The following SH3BGRL variants were observed in gnomAD, a reference collection of about 807,000 sequenced individuals.
SH3BGRL encodes the protein adapter SH3BGRL.
SH3BGRL carries 7 observed loss-of-function variants against 9.8 expected under a neutral mutation model. The ratio of observed to expected loss-of-function variants is 0.72; its 90% CI spans 0.41 to 1.35. The LOEUF is 1.35. SH3BGRL is among the 40% of genes most tolerant of loss of function. The pLI is 0.01. For synonymous variants in SH3BGRL, 36 were observed against 29.1 expected, an observed-to-expected ratio of 1.24 and a Z score of -0.76; for missense variants, 73 against 84.4, an observed-to-expected ratio of 0.86 and a Z score of 0.53.
At chrX:81,252,644 A>G (rs920673472) in intron 1 of SH3BGRL, among the ~76,000 whole-genome samples, 9 of 112,028 alleles carry the variant, frequency 8.0e-5, no homozygotes, top group Non-Finnish European at 1.7e-4. Flanking sequence ...AAAAAATCTC[A>G]TAGTGTTTTT....
intron 1 of SH3BGRL, among the ~76,000 whole-genome samples, chrX:81,268,917 T>C (rs1480051910): frequency 8.9e-6 from 1 of 112,033 alleles, no homozygotes; most frequent in Non-Finnish European, 1.9e-5. Flanking sequence ...TGAGTGAATG[T>C]ATGTTTAGGA....
rs1451061249 is a variant in SH3BGRL at position 81,277,260 on chromosome X, A to G, written c.231+91A>G. ...CCTCTGCCTCCAAGCCTGCATATAT[A>G]TAGTCATATCTCTTGCATATAGTCA... is the stretch of plus-strand genomic sequence containing the variant. On this transcript the variant is annotated intron_variant, in intron 2 of 3. Transcript: ENST00000373212. 5.5e-6 allele frequency: 4 copies of G among 732,973 alleles called. No homozygotes were observed. The East Asian group carries it at 1.4e-4, about 26-fold the overall frequency. 60.4% of individuals were successfully genotyped at this position (732,973 alleles called of 1,213,427 possible). A position where few individuals can be genotyped will look rare whatever the true frequency, so the allele number is the denominator to read the frequency against.
At position 81,277,175 on chromosome X, in the gene SH3BGRL, A is replaced by G; in HGVS notation, c.231+6A>G. On this transcript the variant is annotated splice_donor_region_variant and intron_variant, in intron 2 of 3. Transcript: ENST00000373212. ...ATGAAAGCCAGTATCGCGGGGTAAG[A>G]AAACAATTTAAATTCTTGTTTATTG... The G allele has an allele frequency of 8.4e-7, 1 of 1,194,603 alleles. No homozygotes were observed. Among genetic ancestry groups the G allele is most frequent in the Non-Finnish European group, 1.1e-6 (1 of 883,466 alleles).
intron 3 of SH3BGRL, among the ~76,000 whole-genome samples, chrX:81,285,714 G>A (rs1018141336): frequency 2.7e-5 from 3 of 111,623 alleles, no homozygotes; most frequent in Admixed American, 1.9e-4. Flanking sequence ...AGTATCTAAC[G>A]ATAGCGTCAA....
Position 81,297,833 on chromosome X carries a change from G to A in SH3BGRL, c.*606G>A, listed in dbSNP as rs1224746353. 1 of 111,785 alleles carries A rather than the reference G, an allele frequency of 8.9e-6. No homozygotes were observed. Among genetic ancestry groups the A allele is most frequent in the Non-Finnish European group, 1.9e-5 (1 of 53,044 alleles). The allele number at this position is 111,785 out of a possible 1,213,427, so 9.2% of individuals were successfully genotyped here. Reference sequence around the variant, plus strand: ...ATGTAGCCTTTCATTGCACATTTCAGTGATCAGAATAGATATCCTTTTACA... The same window carrying A: ...ATGTAGCCTTTCATTGCACATTTCAATGATCAGAATAGATATCCTTTTACA... On this transcript the variant is annotated 3_prime_UTR_variant, in exon 4 of 4. Coordinates refer to ENST00000373212, the MANE Select transcript of SH3BGRL (RefSeq NM_003022.3).
intron 1 of SH3BGRL, among the ~76,000 whole-genome samples, chrX:81,276,595 A>G (rs2147711527): frequency 9.0e-6 from 1 of 111,420 alleles, no homozygotes; most frequent in African/African-American, 3.3e-5. Flanking sequence ...AAGCAGACGC[A>G]TCATTTGGAA....
intron 1 of SH3BGRL, among the ~76,000 whole-genome samples, chrX:81,238,551 C>A (rs1193674075): frequency 1.8e-5 from 2 of 111,905 alleles, no homozygotes; most frequent in African/African-American, 3.3e-5. Context: ...TTGAATCCAC[C>A]TGGGATCTGG....
intron 1 of SH3BGRL, among the ~76,000 whole-genome samples, chrX:81,208,870 T>C (rs1199123729): frequency 1.8e-5 from 2 of 111,564 alleles, no homozygotes; most frequent in Non-Finnish European, 1.9e-5. Context: ...ATCTTGCAGA[T>C]TGCCAGAACA....
intron 3 of SH3BGRL, among the ~76,000 whole-genome samples, chrX:81,286,373 A>C (rs2075833863): frequency 1.8e-5 from 2 of 109,311 alleles, no homozygotes; most frequent in Non-Finnish European, 3.8e-5. Context: ...GGAGCTCCGG[A>C]GTCCATCTCT....
chrX:81,231,845 A>T (rs753493259), intron 1 of SH3BGRL, among the ~76,000 whole-genome samples: 12 of 112,442 alleles, frequency 1.1e-4, no homozygotes, highest in Non-Finnish European at 2.1e-4. Context: ...GTGCTATCAA[A>T]TGAAATTAAT....
chrX:81,203,903 C>A (rs1253113757), intron 1 of SH3BGRL, among the ~76,000 whole-genome samples: 1 of 108,239 alleles, frequency 9.2e-6, no homozygotes, highest in Admixed American at 9.9e-5. Context: ...TAGATTTCAA[C>A]TTTTATTTTA....
intron 3 of SH3BGRL, among the ~76,000 whole-genome samples, chrX:81,289,309 A>G (rs1246183508): frequency 5.4e-5 from 6 of 112,076 alleles, no homozygotes; most frequent in African/African-American, 1.9e-4. Flanking sequence ...ACCTCAAACT[A>G]TGAAATGACT....
chrX:81,273,484 A>C (rs990317704), intron 1 of SH3BGRL, among the ~76,000 whole-genome samples: 1 of 112,278 alleles, frequency 8.9e-6, no homozygotes, highest in Non-Finnish European at 1.9e-5. Flanking sequence ...ATTGAGAGTC[A>C]CTTAAGAGAC....
intron 1 of SH3BGRL, among the ~76,000 whole-genome samples, chrX:81,231,558 T>G (rs978313501): frequency 8.9e-6 from 1 of 112,357 alleles, no homozygotes; most frequent in Non-Finnish European, 1.9e-5. Context: ...TTATAGGATT[T>G]TGTCCTTTGC....
At chrX:81,225,787 G>T (rs1450899126) in intron 1 of SH3BGRL, among the ~76,000 whole-genome samples, 8 of 111,208 alleles carry the variant, frequency 7.2e-5, no homozygotes, top group Non-Finnish European at 1.5e-4. Context: ...AATATTATGG[G>T]TCACTACTAA....
chrX:81,205,417 T>C (rs186415949), intron 1 of SH3BGRL, among the ~76,000 whole-genome samples: 90 of 108,974 alleles, frequency 8.3e-4, no homozygotes, highest in African/African-American at 3.0e-3. Context: ...AATATCATTT[T>C]TATGGCTGAA....
chrX:81,287,936 A>G (rs1159138283), intron 3 of SH3BGRL, among the ~76,000 whole-genome samples: 1 of 108,237 alleles, frequency 9.2e-6, no homozygotes, highest in Non-Finnish European at 1.9e-5. Flanking sequence ...CATAAAAAAG[A>G]AAAAGAAAGA....
chrX:81,269,086 C>T (rs955948285), intron 1 of SH3BGRL, among the ~76,000 whole-genome samples: 3 of 111,160 alleles, frequency 2.7e-5, no homozygotes, highest in African/African-American at 9.8e-5. Context: ...TTCCTCTATC[C>T]CTTTATTTTG....
intron 1 of SH3BGRL, chrX:81,202,687 G>T: frequency 2.8e-6 from 1 of 361,680 alleles, no homozygotes; most frequent in Non-Finnish European, 3.6e-6. Flanking sequence ...TGGGGATTGA[G>T]TGGAGGCCTA....
Sources: gnomAD v4.1 joint callset for allele counts (sites outside exome capture counted in the v4.1 genomes callset) on GRCh38, gnomAD v4.1.1 for gene constraint, MANE v1.5 for transcripts, NCBI Gene and HGNC (gene_info 2026-07-23, HGNC 2026-07-21) for gene names.